AQR: variants seen among roughly 807,000 people sequenced by gnomAD.
AQR encodes RNA helicase aquarius.
AQR carries 61 observed loss-of-function variants against 180.5 expected under a neutral mutation model. The observed-to-expected ratio is 0.34, with a 90% confidence interval of 0.28 to 0.42. The LOEUF is 0.42. AQR is among the 10% of genes least tolerant of loss of function. The probability of loss-of-function intolerance (pLI) is 1.00; values close to 1 mark genes in which losing one functional copy is unlikely to be tolerated. For synonymous variants in AQR, 551 were observed against 588.8 expected (o/e 0.94, Z 0.93); for missense variants, 1,281 against 1,798.3 (o/e 0.71, Z 5.20).
chr15:34,863,482 T>A (rs1015123524), intron 32 of AQR, among the ~76,000 whole-genome samples: 1 of 152,162 alleles, frequency 6.6e-6, no homozygotes, highest in African/African-American at 2.4e-5. Context: ...TTATTTACAA[T>A]AATAAGTACA....
intron 27 of AQR, among the ~76,000 whole-genome samples, chr15:34,878,376 ACT>A (rs1892916804): frequency 7.9e-6 from 1 of 127,364 alleles, no homozygotes; most frequent in African/African-American, 3.2e-5. Flanking sequence ...AAAGAATGAG[ACT>A]CTGTCTCAAA....
At chr15:34,895,735 A>G (rs1480379840) in intron 22 of AQR, among the ~76,000 whole-genome samples, 2 of 152,196 alleles carry the variant, frequency 1.3e-5, no homozygotes, top group Admixed American at 6.5e-5. Flanking sequence ...AAGGAGAAAT[A>G]GACAAATTCA....
At chr15:34,909,721 C>G (rs559208057) in intron 17 of AQR, among the ~76,000 whole-genome samples, 8 of 152,218 alleles carry the variant, frequency 5.3e-5, no homozygotes, top group African/African-American at 1.9e-4. Flanking sequence ...ATTTTCCTTA[C>G]TGCTCTGCAT....
intron 34 of AQR, among the ~76,000 whole-genome samples, chr15:34,858,569 G>A (rs1046098743): frequency 2.6e-5 from 4 of 152,106 alleles, no homozygotes; most frequent in African/African-American, 9.7e-5. Flanking sequence ...ATGCTTTTGG[G>A]GGTAGAAACT....
chr15:34,920,608 CT>C (rs1893668794), intron 13 of AQR, among the ~76,000 whole-genome samples, 174 bp from the exon 14 acceptor site: 2 of 152,174 alleles, frequency 1.3e-5, no homozygotes, highest in Non-Finnish European at 2.9e-5. Context: ...AAAATATTTT[CT>C]GCAAACCTCT....
rs755256485 is a variant in AQR, at chr15:34,884,681, T to C, written c.2871A>G (p.Thr957=). 10 of 1,610,482 alleles carry C rather than the reference T, an allele frequency of 6.2e-6. No homozygotes were observed. The highest frequency in any genetic ancestry group is 3.3e-5 in the South Asian group (3 of 89,880). The part of the protein sequence containing the change: ...YISKVKNKGS[T]LPDVTEVSTF... ...TGGAGACTTCCGTAACATCTGGCAA[T>C]GTACTACCTTTATTTTTCACTTTGC... Residue 957 remains threonine, a synonymous_variant, in exon 26 of 35, where the codon ACA becomes ACG. Coordinates refer to ENST00000156471, the MANE Select transcript of AQR (RefSeq NM_014691.3).
chr15:34,891,217 C>G (rs994439848), intron 23 of AQR, among the ~76,000 whole-genome samples: 1 of 152,142 alleles, frequency 6.6e-6, no homozygotes, highest in Non-Finnish European at 1.5e-5. Flanking sequence ...TCTTGATACT[C>G]ATCATCCAAA....
intron 2 of AQR, among the ~76,000 whole-genome samples, chr15:34,962,683 C>T (rs1466036828): frequency 1.3e-5 from 2 of 151,686 alleles, no homozygotes; most frequent in East Asian, 1.9e-4. Flanking sequence ...GCAGAAGAAT[C>T]GCTTGAACCC....
In AQR at chr15:34,940,844, A is replaced by T. The variant is rs905506170; in HGVS notation, c.641+55T>A. ...AACAACAAACCAGTCAACATCATCT[A>T]AGGTCCACAATCCAGCATAATAAGC... On this transcript the variant is annotated intron_variant, in intron 8 of 34. Coordinates refer to ENST00000156471, the MANE Select transcript of AQR (RefSeq NM_014691.3). The T allele has an allele frequency of 2.2e-6, 3 of 1,335,700 alleles. No individual in the cohort carries two copies. In the African/African-American group the frequency reaches 4.4e-5, roughly 20 times the overall value. 82.7% of individuals were successfully genotyped at this position (1,335,700 alleles called of 1,614,324 possible).
intron 20 of AQR, among the ~76,000 whole-genome samples, chr15:34,898,195 C>G (rs953177968): frequency 2.6e-5 from 4 of 152,138 alleles, no homozygotes; most frequent in Non-Finnish European, 5.9e-5. Flanking sequence ...CTTGTTATGA[C>G]AGGAACCTTA....
intron 1 of AQR, among the ~76,000 whole-genome samples, chr15:34,965,210 A>C (rs368982932): frequency 2.2e-4 from 34 of 152,296 alleles, no homozygotes; most frequent in African/African-American, 7.9e-4. Flanking sequence ...TTGCTTATCC[A>C]TCTTTCCTTC....
In AQR at chr15:34,915,238, A is replaced by G. The variant is rs116413359; in HGVS notation, c.1343-59T>C. The G allele has an allele frequency of 5.1e-3, 7,325 of 1,436,390 alleles. 139 individuals are homozygous for G. In the African/African-American group the frequency reaches 0.059, roughly 12 times the overall value. 89.0% of individuals were successfully genotyped at this position (1,436,390 alleles called of 1,614,324 possible). ...TTTTTTTTTTTTGAGACGGAGTCTC[A>G]CTCTGTCACCTGCACAATCTCGTCT... On this transcript the variant is annotated intron_variant, in intron 15 of 34. Coordinates refer to ENST00000156471, the MANE Select transcript of AQR (RefSeq NM_014691.3).
rs148575117 is a variant in AQR, at chr15:34,880,399, T to C, written c.3165+2103A>G. On this transcript the variant is annotated intron_variant, in intron 27 of 34. Coordinates refer to ENST00000156471, the MANE Select transcript of AQR (RefSeq NM_014691.3). Reference sequence around the variant, plus strand: ...CCTTTACAATGGATGCAATGTGAACTGAAATAGGTCAGGAGTATCTAGGAG... The same window carrying C: ...CCTTTACAATGGATGCAATGTGAACCGAAATAGGTCAGGAGTATCTAGGAG... Among the ~76,000 whole-genome samples, 355 of 152,308 alleles carry C rather than the reference T, an allele frequency of 2.3e-3. 1 individual carries two copies. The highest frequency in any genetic ancestry group is 8.3e-3 in the African/African-American group (346 of 41,566).
intron 32 of AQR, among the ~76,000 whole-genome samples, chr15:34,865,820 T>G (rs1892731746): frequency 6.6e-6 from 1 of 152,200 alleles, no homozygotes; most frequent in African/African-American, 2.4e-5. Context: ...ACATATTATA[T>G]GATTCCATTT....
Position 34,888,840 on chromosome 15 carries a change from AG to A in AQR, c.2681+1374del, listed in dbSNP as rs941146114. Among the ~76,000 whole-genome samples, 17 of 152,236 alleles carry A rather than the reference AG, an allele frequency of 1.1e-4. 1 individual carries two copies. The highest frequency in any genetic ancestry group is 4.1e-4 in the African/African-American group (17 of 41,470). ...CAGATTTTACAATTTTTTTCTTCAG[AG>A]AAAGTGATGCTACTTTTATTGTGAA... On this transcript the variant is annotated intron_variant, in intron 24 of 34. Coordinates refer to ENST00000156471, the MANE Select transcript of AQR (RefSeq NM_014691.3).
intron 23 of AQR, among the ~76,000 whole-genome samples, chr15:34,893,029 A>G (rs1893174126): frequency 6.6e-6 from 1 of 152,206 alleles, no homozygotes; most frequent in Non-Finnish European, 1.5e-5. Flanking sequence ...TTTTCATACA[A>G]GGATAAATCA....
chr15:34,856,824 C>G lies in AQR; in HGVS notation c.4426G>C (p.Asp1476His), dbSNP rs1410281846. Residue 1476 changes from aspartate to histidine, a missense_variant, in exon 35 of 35, where the codon GAT becomes CAT. Transcript: ENST00000156471. ...GTCTCTTCCGGGGCAGATGTGGCAT[C>G]CTGAGGTGTGTTAGCTTCTGCCGGT... Reference protein sequence around the residue: ...SAPAEANTPQDATSAPEETK With the variant: ...SAPAEANTPQHATSAPEETK 2 of 1,588,266 alleles carry G rather than the reference C, an allele frequency of 1.3e-6. No individual in the cohort carries two copies. The highest frequency in any genetic ancestry group is 1.2e-5 in the South Asian group (1 of 85,572).
chr15:34,886,731 T>A, intron 24 of AQR, 70 bp from the exon 25 acceptor site: 1 of 1,459,312 alleles, frequency 6.9e-7, no homozygotes, highest in Non-Finnish European at 9.2e-7. Context: ...ATCAGCAAAA[T>A]TCAAGAAAAT....
At chr15:34,949,727 T>C (rs566324237) in intron 4 of AQR, among the ~76,000 whole-genome samples, 174 of 140,734 alleles carry the variant, frequency 1.2e-3, no homozygotes, top group Admixed American at 1.9e-3. Context: ...GAGGCCAAAG[T>C]GGGTGGACTG....
Sources: allele counts gnomAD v4.1 joint callset (sites outside exome capture counted in the v4.1 genomes callset), GRCh38; gene constraint gnomAD v4.1.1; transcripts MANE v1.5; gene names NCBI Gene and HGNC (gene_info 2026-07-23, HGNC 2026-07-21).